Variants in PCDH7 observed in about 807,000 individuals in gnomAD.
PCDH7 encodes protocadherin 7.
PCDH7 carries 17 observed loss-of-function variants against 58.9 expected under a neutral mutation model. The ratio of observed to expected loss-of-function variants is 0.29; its 90% CI spans 0.20 to 0.43. The LOEUF (loss-of-function observed/expected upper bound fraction) is 0.43, where lower values mean the gene tolerates loss of function less well. Among genes scored for constraint, PCDH7 ranks in the 20% least tolerant of loss-of-function variants. The pLI, the probability that PCDH7 is intolerant of heterozygous loss-of-function variation, is 1.00. For synonymous variants in PCDH7, 664 were observed against 616.4 expected, an observed-to-expected ratio of 1.08 and a Z score of -1.14; for missense variants, 1,274 against 1,441.0, an observed-to-expected ratio of 0.88 and a Z score of 1.88.
At chr4:30,854,904 A>G (rs1190247159) in intron 1 of PCDH7, among the ~76,000 whole-genome samples, 1 of 152,028 alleles carries the variant, frequency 6.6e-6, no homozygotes, top group South Asian at 2.1e-4. Context: ...GAAAAGAAAA[A>G]CTTTTCAGGT....
At chr4:31,142,833 G>A in exon 4 of PCDH7, 1 of 1,364,772 alleles carries the variant, frequency 7.3e-7, no homozygotes, top group Non-Finnish European at 9.8e-7. Flanking sequence ...CTCACTAGAA[G>A]AGAAGTTTAC....
chr4:30,765,866 C>A (rs983163735), intron 1 of PCDH7, among the ~76,000 whole-genome samples: 1 of 152,144 alleles, frequency 6.6e-6, no homozygotes, highest in African/African-American at 2.4e-5. Flanking sequence ...CCTCCCCCAC[C>A]TGTCATTAGA....
chr4:30,915,120 T>G (rs559014209), intron 1 of PCDH7, among the ~76,000 whole-genome samples: 1 of 152,324 alleles, frequency 6.6e-6, no homozygotes, highest in Non-Finnish European at 1.5e-5. Flanking sequence ...TCTCCAAATG[T>G]TTATTTTAAA....
At chr4:30,763,158 G>A (rs1034494259) in intron 1 of PCDH7, among the ~76,000 whole-genome samples, 1 of 152,176 alleles carries the variant, frequency 6.6e-6, no homozygotes, top group African/African-American at 2.4e-5. Context: ...GGGAGGCAGA[G>A]GTTGCAGTGA....
In PCDH7 at chr4:30,722,059, G is replaced by A; in HGVS notation, c.637G>A (p.Gly213Ser). ...CCCCTACCCCGGGGGCGGCGGGAAC[G>A]GCGCGAGCGGCGGCGGCTCGGGAGG... Residue 213 changes from glycine (G) to serine (S), a missense_variant, in exon 1 of 2, where the codon GGC becomes AGC. This residue lies in a region of PCDH7 where 331 missense variants were observed against 303.2 expected (regional missense o/e 1.09). Coordinates refer to ENST00000361762, the Ensembl canonical transcript of PCDH7. This position sits in a 1 kb window ranked among gnomAD's most constrained non-coding sequence, Gnocchi z 7.6. 1.6e-6 allele frequency: 2 copies of A among 1,239,680 alleles called. No homozygotes were observed. The highest frequency in any genetic ancestry group is 2.0e-6 in the Non-Finnish European group (2 of 993,832). The allele number at this position is 1,239,680 out of a possible 1,614,324, so 76.8% of individuals were successfully genotyped here. A position where few individuals can be genotyped will look rare whatever the true frequency, so the allele number is the denominator to read the frequency against.
intron 1 of PCDH7, among the ~76,000 whole-genome samples, chr4:30,879,345 T>G (rs528843131): frequency 6.6e-6 from 1 of 152,232 alleles, no homozygotes; most frequent in South Asian, 2.1e-4. Context: ...TCAAAAGTGA[T>G]TATTTTCCAG....
intron 3 of PCDH7, among the ~76,000 whole-genome samples, chr4:30,958,762 T>C (rs1006061134): frequency 2.6e-5 from 4 of 151,988 alleles, no homozygotes; most frequent in Non-Finnish European, 5.9e-5. Flanking sequence ...AGCAAACCAG[T>C]CATTTCATAA....
intron 1 of PCDH7, among the ~76,000 whole-genome samples, chr4:30,762,802 A>G (rs769080688): frequency 9.9e-5 from 15 of 152,188 alleles, no homozygotes; most frequent in Non-Finnish European, 2.2e-4. Context: ...TCAAACAAAC[A>G]TGGTATTTCT....
At chr4:30,758,953 T>G (rs894151584) in intron 1 of PCDH7, among the ~76,000 whole-genome samples, 2 of 149,672 alleles carry the variant, frequency 1.3e-5, no homozygotes, top group African/African-American at 4.9e-5. Flanking sequence ...TTTTTTTTTT[T>G]TTTTTTGTGA....
chr4:30,935,026 T>C (rs1745162117), intron 2 of PCDH7, among the ~76,000 whole-genome samples: 1 of 152,120 alleles, frequency 6.6e-6, no homozygotes, highest in South Asian at 2.1e-4. Context: ...TAATAAAAGA[T>C]GCTAAAGTAT....
At chr4:30,958,738 A>G (rs887578328) in intron 3 of PCDH7, among the ~76,000 whole-genome samples, 27 of 152,032 alleles carry the variant, frequency 1.8e-4, no homozygotes, top group African/African-American at 5.8e-4. Context: ...ATTTATCTAA[A>G]TTAACCAAGA....
In PCDH7 at chr4:31,038,348, C is replaced by G. The variant is rs906547999; in HGVS notation, c.*7+88133C>G. ...TATTATAATTATTATTTACATTACCCATGATAAATCAAAACATTTATTGAA... is the reference window on the plus strand; with the variant it reads ...TATTATAATTATTATTTACATTACCGATGATAAATCAAAACATTTATTGAA... On this transcript the variant is annotated intron_variant, in intron 3 of 3. Coordinates refer to the PCDH7 transcript ENST00000509759. Among the ~76,000 whole-genome samples, 9 of 152,000 alleles carry G rather than the reference C, an allele frequency of 5.9e-5. No individual in the cohort carries two copies. The South Asian group carries it at 8.3e-4, about 14-fold the overall frequency.
At chr4:30,911,786 CA>C in intron 1 of PCDH7, among the ~76,000 whole-genome samples, 1 of 151,912 alleles carries the variant, frequency 6.6e-6, no homozygotes, top group South Asian at 2.1e-4. Flanking sequence ...TTCTCATTTG[CA>C]AAATCAGAAT....
intron 1 of PCDH7, among the ~76,000 whole-genome samples, chr4:30,753,274 AAG>A (rs1718816829): frequency 1.3e-5 from 2 of 152,204 alleles, no homozygotes; most frequent in Admixed American, 6.5e-5. Context: ...TAACTGTAAA[AAG>A]AGAGATAACC....
At chr4:30,804,624 A>G (rs1433465592) in intron 1 of PCDH7, among the ~76,000 whole-genome samples, 1 of 151,972 alleles carries the variant, frequency 6.6e-6, no homozygotes, top group Non-Finnish European at 1.5e-5. Flanking sequence ...GAAACAATGC[A>G]CCATCTTGGA....
rs544113522 is a variant in PCDH7 at position 30,813,024 on chromosome 4, C to T, written c.70+88428C>T. ...GGCAACTCAATCAGAATTCCAGTGT[C>T]TAGCTCTATCCTGACTAGAACTTTT... On this transcript the variant is annotated intron_variant, in intron 1 of 3. Transcript: ENST00000509759. 4.5e-4 allele frequency among the ~76,000 whole-genome samples: 69 copies of T among 152,302 alleles called. 1 individual carries two copies. Among genetic ancestry groups the T allele is most frequent in the African/African-American group, 1.6e-3 (65 of 41,558 alleles).
chr4:30,827,190 C>A (rs1467931159), intron 1 of PCDH7, among the ~76,000 whole-genome samples: 3 of 152,162 alleles, frequency 2.0e-5, no homozygotes, highest in Non-Finnish European at 4.4e-5. Context: ...AAGCAATTTA[C>A]AAACTTACTA....
intron 1 of PCDH7, among the ~76,000 whole-genome samples, chr4:30,824,995 A>G (rs1728920570): frequency 6.6e-6 from 1 of 152,124 alleles, no homozygotes; most frequent in Non-Finnish European, 1.5e-5. Flanking sequence ...TGAGATGTAC[A>G]AGGCATATAT....
At chr4:31,061,130 A>G (rs1368943388) in intron 3 of PCDH7, among the ~76,000 whole-genome samples, 1 of 151,748 alleles carries the variant, frequency 6.6e-6, no homozygotes, top group Non-Finnish European at 1.5e-5. Context: ...TCTATGGGAT[A>G]TGAAATTCTA....
Sources: gnomAD v4.1 joint callset for allele counts (sites outside exome capture counted in the v4.1 genomes callset) on GRCh38, gnomAD v4.1.1 for gene constraint, gnomAD v4.1.1 regional missense constraint, Gnocchi (gnomAD v3.1) non-coding constraint, MANE v1.5 for transcripts, NCBI Gene and HGNC (gene_info 2026-07-23, HGNC 2026-07-21) for gene names.